Variants in SLC22A23 observed in about 807,000 individuals in gnomAD.
The protein encoded by SLC22A23 is ion transporter protein.
Under a neutral mutation model 61.0 loss-of-function variants are expected in SLC22A23, and 26 were observed. The observed-to-expected ratio is 0.43, with a 90% CI of 0.31 to 0.59. SLC22A23 has a LOEUF of 0.59. Ranked by LOEUF, SLC22A23 falls within the 20% of genes least tolerant of loss-of-function variation. The pLI is 0.11. For synonymous variants in SLC22A23, 430 were observed against 413.9 expected, an observed-to-expected ratio of 1.04 and a Z score of -0.47; for missense variants, 796 against 934.7, an observed-to-expected ratio of 0.85 and a Z score of 1.94.
At chr6:3,323,573 G>C (rs767659335) in intron 4 of SLC22A23, 1 of 548,004 alleles carries the variant, frequency 1.8e-6, no homozygotes, top group East Asian at 3.2e-5. Context: ...GGGTGAGCCA[G>C]ACTGGCCAGT....
chr6:3,417,809 A>T (rs11754619), intron 1 of SLC22A23, among the ~76,000 whole-genome samples: 1 of 152,232 alleles, frequency 6.6e-6, no homozygotes, highest in Non-Finnish European at 1.5e-5. Context: ...CGCTGTGGGA[A>T]CCATGCAAAA....
intron 3 of SLC22A23, among the ~76,000 whole-genome samples, chr6:3,338,641 G>C (rs1400753631): frequency 1.3e-5 from 2 of 152,166 alleles, no homozygotes; most frequent in Non-Finnish European, 2.9e-5. Context: ...TTATTGGCAG[G>C]GTCCCAGGTT....
intron 1 of SLC22A23, among the ~76,000 whole-genome samples, chr6:3,452,294 T>C (rs996372813): frequency 2.0e-5 from 3 of 152,174 alleles, no homozygotes; most frequent in Non-Finnish European, 4.4e-5. Context: ...TTAAAATCCA[T>C]GATTGGCACC....
rs1772437186 is a variant in SLC22A23, at chr6:3,456,911, G to C, written c.-352C>G. ...CGCGGCAGGAGGAGGAGCCGGCGCC[G>C]CGCCCGGCCCGCGCCCTTGCCGGCG... is the stretch of plus-strand genomic sequence containing the variant. On this transcript the variant is annotated 5_prime_UTR_variant, in exon 1 of 10. Coordinates refer to ENST00000406686, the MANE Select transcript of SLC22A23 (RefSeq NM_015482.2). The surrounding 1 kb of genome is among the most constrained non-coding windows in gnomAD (Gnocchi z 7.1). 6.7e-6 allele frequency: 1 copy of C among 148,658 alleles called. No homozygotes were observed. The highest frequency in any genetic ancestry group is 1.5e-5 in the Non-Finnish European group (1 of 66,554). The allele number at this position is 148,658 out of a possible 1,614,324, so 9.2% of individuals were successfully genotyped here.
At chr6:3,400,823 A>G (rs1768335665) in intron 3 of SLC22A23, among the ~76,000 whole-genome samples, 1 of 152,256 alleles carries the variant, frequency 6.6e-6, no homozygotes, top group Non-Finnish European at 1.5e-5. Context: ...CATCAGAACA[A>G]AACTGCATCT....
intron 6 of SLC22A23, among the ~76,000 whole-genome samples, chr6:3,288,997 T>C (rs1258952007): frequency 1.3e-5 from 2 of 152,250 alleles, no homozygotes; most frequent in East Asian, 3.8e-4. Flanking sequence ...CCTGGGCCTG[T>C]CTTTACCTGG....
chr6:3,402,783 G>A (rs1010809732), intron 3 of SLC22A23, among the ~76,000 whole-genome samples: 1 of 152,226 alleles, frequency 6.6e-6, no homozygotes, highest in African/African-American at 2.4e-5. Flanking sequence ...GCGCTAGAGG[G>A]CAGGAGCACG....
At chr6:3,362,664 C>T (rs1765555041) in intron 3 of SLC22A23, among the ~76,000 whole-genome samples, 1 of 152,022 alleles carries the variant, frequency 6.6e-6, no homozygotes, top group Non-Finnish European at 1.5e-5. Context: ...CCCCAAGATG[C>T]CATCTACAAA....
chr6:3,289,723 G>T, intron 6 of SLC22A23, 41 bp downstream of exon 6: 1 of 1,555,418 alleles, frequency 6.4e-7, no homozygotes, highest in Non-Finnish European at 8.8e-7. Context: ...TTCTTCCCTG[G>T]CCCCCTCCCA....
At chr6:3,332,805 CACAT>C (rs1763650230) in intron 3 of SLC22A23, among the ~76,000 whole-genome samples, 3 of 152,060 alleles carry the variant, frequency 2.0e-5, no homozygotes, top group Non-Finnish European at 4.4e-5. Flanking sequence ...AAACAAGATC[CACAT>C]ATTACATATC....
In SLC22A23 at chr6:3,315,274, C is replaced by A. The variant is rs115613630; in HGVS notation, c.1082+8560G>T. Among the ~76,000 whole-genome samples, 1,094 of 152,254 alleles carry A rather than the reference C, an allele frequency of 7.2e-3. 13 individuals carry two copies. Among genetic ancestry groups the A allele is most frequent in the African/African-American group, 0.025 (1,057 of 41,546 alleles). ...GCCCCATCTGTGCCTGCAGGGAGGTCGGGGGAGCAGGCTGGGGAAGCCTTC... is the reference window on the plus strand; with the variant it reads ...GCCCCATCTGTGCCTGCAGGGAGGTAGGGGGAGCAGGCTGGGGAAGCCTTC... On this transcript the variant is annotated intron_variant, in intron 4 of 9. Transcript: ENST00000406686.
In SLC22A23 at chr6:3,270,606, A is replaced by G. The variant is rs3813480; in HGVS notation, c.*2449T>C. 13,678 of 152,360 alleles carry G rather than the reference A, an allele frequency of 0.09. 704 individuals are homozygous for G. Among genetic ancestry groups the G allele is most frequent in the Middle Eastern group, 0.17 (51 of 294 alleles). The allele number at this position is 152,360 out of a possible 1,614,324, so 9.4% of individuals were successfully genotyped here. A position where few individuals can be genotyped will look rare whatever the true frequency, so the allele number is the denominator to read the frequency against. On this transcript the variant is annotated 3_prime_UTR_variant, in exon 10 of 10. Transcript: ENST00000406686. ...CCGTCGGCAAGTCAGCCTCACACCC[A>G]CTGGACTCTGCTCCCAAGAGCCCAG... is the stretch of plus-strand genomic sequence containing the variant.
chr6:3,367,659 C>G (rs1765924413), intron 3 of SLC22A23, among the ~76,000 whole-genome samples: 1 of 152,184 alleles, frequency 6.6e-6, no homozygotes, highest in Non-Finnish European at 1.5e-5. Flanking sequence ...CCCAAAGTCA[C>G]ACAGCTCATA....
chr6:3,352,872 C>T (rs1181914888), intron 3 of SLC22A23, among the ~76,000 whole-genome samples: 2 of 152,120 alleles, frequency 1.3e-5, no homozygotes, highest in African/African-American at 4.8e-5. Context: ...AAGCCGCGTG[C>T]CCTGCAAACA....
At chr6:3,282,851 G>A (rs7739211) in intron 9 of SLC22A23, among the ~76,000 whole-genome samples, 2,754 of 152,250 alleles carry the variant, frequency 0.018, 40 homozygotes, top group Non-Finnish European at 0.03. Context: ...AGTAAATGGC[G>A]TGTAGCACCC....
chr6:3,280,883 G>A (rs539311878), intron 9 of SLC22A23, among the ~76,000 whole-genome samples: 12 of 152,240 alleles, frequency 7.9e-5, no homozygotes, highest in African/African-American at 2.9e-4. Flanking sequence ...CTATTCTTGA[G>A]GCAGCATTAG....
chr6:3,357,090 A>G (rs1423750865), intron 3 of SLC22A23, among the ~76,000 whole-genome samples: 1 of 149,614 alleles, frequency 6.7e-6, no homozygotes, highest in Non-Finnish European at 1.5e-5. Flanking sequence ...AAAAACCCAA[A>G]ACAAGGCAGG....
intron 3 of SLC22A23, among the ~76,000 whole-genome samples, chr6:3,358,008 A>G (rs1765217913): frequency 1.3e-5 from 2 of 152,176 alleles, no homozygotes; most frequent in South Asian, 4.1e-4. Flanking sequence ...GTTTTCAGAG[A>G]GGCAACCAGC....
rs140032805 is a variant in SLC22A23, at chr6:3,311,144, C to T, written c.1082+12690G>A. ...GCTCACTGTCTAGTTGGGGCAAAAACGTGTAAATTAATAAATGCCTAATAA... is the reference window on the plus strand; with the variant it reads ...GCTCACTGTCTAGTTGGGGCAAAAATGTGTAAATTAATAAATGCCTAATAA... On this transcript the variant is annotated intron_variant, in intron 4 of 9. Coordinates refer to ENST00000406686, the MANE Select transcript of SLC22A23 (RefSeq NM_015482.2). Among the ~76,000 whole-genome samples the T allele has an allele frequency of 3.8e-3, 580 of 152,290 alleles. 2 individuals are homozygous for T. The highest frequency in any genetic ancestry group is 4.5e-3 in the Non-Finnish European group (306 of 68,022).
Sources: gnomAD v4.1 joint callset for allele counts (sites outside exome capture counted in the v4.1 genomes callset) on GRCh38, gnomAD v4.1.1 for gene constraint, Gnocchi (gnomAD v3.1) non-coding constraint, MANE v1.5 for transcripts, NCBI Gene and HGNC (gene_info 2026-07-23, HGNC 2026-07-21) for gene names.